PDE12: variants seen among roughly 807,000 people sequenced by gnomAD.
PDE12 encodes the protein 2',5'-phosphodiesterase 12.
PDE12 carries 26 observed loss-of-function variants against 45.4 expected under a neutral mutation model. That is an observed-to-expected ratio of 0.57 (90% CI 0.42 to 0.79). The LOEUF is 0.79. Ranked by LOEUF, PDE12 falls within the 30% of genes least tolerant of loss-of-function variation. The pLI is 0.00. For missense variants in PDE12, 668 were observed against 790.0 expected (o/e 0.85, Z 1.85); for synonymous variants, 283 against 323.9 (o/e 0.87, Z 1.36).
rs917967113 is a variant in PDE12, at chr3:57,560,325, TTTTG to T, written c.*325_*328del. 6.2e-5 allele frequency: 67 copies of T among 1,072,610 alleles called. No homozygotes were observed. The African/African-American group carries it at 7.6e-4, about 12-fold the overall frequency. The allele number at this position is 1,072,610 out of a possible 1,614,324, so 66.4% of individuals were successfully genotyped here. A position where few individuals can be genotyped will look rare whatever the true frequency, so the allele number is the denominator to read the frequency against. Reference sequence around the variant, plus strand: ...GTGTTTTTTGTTTGTTTGTTTTTGTTTTTGTTTTTGTTTTTTTGAGATGGAGTTT... The same window carrying T: ...GTGTTTTTTGTTTGTTTGTTTTTGTTTTTTTGTTTTTTTGAGATGGAGTTT... On this transcript the variant is annotated 3_prime_UTR_variant, in exon 3 of 3. Transcript: ENST00000311180.
chr3:57,612,337 A>G, the PDE12 span, among the ~76,000 whole-genome samples: 3 of 152,024 alleles, frequency 2.0e-5, no homozygotes, highest in Admixed American at 2.0e-4. Flanking sequence ...ACATGTATAC[A>G]TATGTAACCA....
At chr3:57,580,590 TA>T in the PDE12 span, among the ~76,000 whole-genome samples, 1 of 151,512 alleles carries the variant, frequency 6.6e-6, no homozygotes, top group East Asian at 2.0e-4. Context: ...TTTTTTTTTG[TA>T]GAGACAGGGT....
chr3:57,624,988 C>T, the PDE12 span, among the ~76,000 whole-genome samples: 26 of 152,208 alleles, frequency 1.7e-4, 1 homozygote, highest in South Asian at 5.4e-3. Flanking sequence ...CAGCCTCAAT[C>T]TCCTAGGCTG....
At chr3:57,572,059 C>G in the PDE12 span, 2 of 601,722 alleles carry the variant, frequency 3.3e-6, no homozygotes, top group Admixed American at 2.9e-5. Flanking sequence ...CAACATTATA[C>G]TCGGTAAACA....
downstream of PDE12, among the ~76,000 whole-genome samples, chr3:57,570,646 C>A (rs530291586): frequency 9.9e-5 from 15 of 152,220 alleles, no homozygotes; most frequent in East Asian, 2.9e-3. Context: ...AGAATATAGA[C>A]AGAAACTAAG....
the PDE12 span, among the ~76,000 whole-genome samples, chr3:57,644,029 A>T: frequency 6.9e-6 from 1 of 144,520 alleles, no homozygotes; most frequent in African/African-American, 2.4e-5. Flanking sequence ...GTGCACCTGT[A>T]ATCCCAGCTA....
the PDE12 span, chr3:57,597,046 C>T: frequency 6.2e-7 from 1 of 1,611,296 alleles, no homozygotes; most frequent in South Asian, 1.1e-5. Context: ...TTTCCCAGGT[C>T]CCGCCTGACT....
At chr3:57,605,182 G>A in the PDE12 span, among the ~76,000 whole-genome samples, 9 of 152,104 alleles carry the variant, frequency 5.9e-5, no homozygotes, top group African/African-American at 2.2e-4. Context: ...GCACAGAAAC[G>A]GAACAGAGTA....
the PDE12 span, among the ~76,000 whole-genome samples, chr3:57,633,089 C>G: frequency 6.6e-6 from 1 of 152,148 alleles, no homozygotes; most frequent in Non-Finnish European, 1.5e-5. Flanking sequence ...CAAAGTTGAA[C>G]AGTTAACACT....
At chr3:57,641,677 G>GAATAATGT in the PDE12 span, 1 of 1,612,214 alleles carries the variant, frequency 6.2e-7, no homozygotes, top group Non-Finnish European at 8.5e-7. Context: ...TCTCCTATTC[G>GAATAATGT]AATAATGTGT....
At chr3:57,613,717 G>A in the PDE12 span, among the ~76,000 whole-genome samples, 4 of 151,538 alleles carry the variant, frequency 2.6e-5, no homozygotes, top group Non-Finnish European at 4.4e-5. Context: ...TGGCTAACAC[G>A]GTGAAACCCC....
chr3:57,641,376 T>C, the PDE12 span, among the ~76,000 whole-genome samples: 159 of 146,014 alleles, frequency 1.1e-3, no homozygotes, highest in African/African-American at 3.7e-3. Context: ...AAAGCTAACA[T>C]TTTTAAGACT....
chr3:57,619,818 C>T, the PDE12 span, among the ~76,000 whole-genome samples: 7,168 of 151,948 alleles, frequency 0.047, 231 homozygotes, highest in Non-Finnish European at 0.072. Context: ...CCACTGCACT[C>T]CAGCCCGGGC....
chr3:57,642,731 G>A, the PDE12 span, among the ~76,000 whole-genome samples: 361 of 152,128 alleles, frequency 2.4e-3, 1 homozygote, highest in Non-Finnish European at 3.6e-3. Flanking sequence ...TCGGCCAGGC[G>A]CGGTGGCTCA....
the PDE12 span, among the ~76,000 whole-genome samples, chr3:57,610,605 A>G: frequency 1.3e-5 from 2 of 152,136 alleles, no homozygotes; most frequent in Non-Finnish European, 2.9e-5. Flanking sequence ...ACAAACAGAG[A>G]GCCAAATCAT....
At chr3:57,593,732 C>T in the PDE12 span, among the ~76,000 whole-genome samples, 1 of 152,088 alleles carries the variant, frequency 6.6e-6, no homozygotes, top group African/African-American at 2.4e-5. Flanking sequence ...GATACAGAAA[C>T]CAGACTTAAA....
chr3:57,616,926 A>C, the PDE12 span, among the ~76,000 whole-genome samples: 3,347 of 152,204 alleles, frequency 0.022, 53 homozygotes, highest in Non-Finnish European at 0.039. Context: ...CAAGAGGCTA[A>C]GGCAGGAGAA....
chr3:57,647,259 C>T, the PDE12 span, among the ~76,000 whole-genome samples: 1 of 152,062 alleles, frequency 6.6e-6, no homozygotes. Context: ...TTAATTTTAA[C>T]TATTCAAAAA....
chr3:57,569,702 C>T (rs140062674), downstream of PDE12, among the ~76,000 whole-genome samples: 89 of 151,904 alleles, frequency 5.9e-4, 1 homozygote, highest in East Asian at 0.015. Flanking sequence ...CATGGTGGCT[C>T]ATGCCTGTAG....
Sources: allele counts gnomAD v4.1 joint callset (sites outside exome capture counted in the v4.1 genomes callset), GRCh38; gene constraint gnomAD v4.1.1; transcripts MANE v1.5; gene names NCBI Gene and HGNC (gene_info 2026-07-23, HGNC 2026-07-21).